Variants in AKAP6 observed in about 807,000 individuals in gnomAD.
The protein encoded by AKAP6 is A-kinase anchor protein 6.
A neutral mutation model predicts 188.5 loss-of-function variants in AKAP6; 58 were observed. The observed-to-expected ratio is 0.31, with a 90% CI of 0.25 to 0.38. AKAP6 has a LOEUF of 0.38. Among genes scored for constraint, AKAP6 ranks in the 10% least tolerant of loss-of-function variants. The pLI, the probability that AKAP6 is intolerant of heterozygous loss-of-function variation, is 1.00. For missense variants in AKAP6, 2,710 were observed against 2,740.0 expected, an observed-to-expected ratio of 0.99 and a Z score of 0.24; for synonymous variants, 989 against 998.6, an observed-to-expected ratio of 0.99 and a Z score of 0.18.
chr14:32,518,918 G>A (rs560377275), intron 2 of AKAP6, among the ~76,000 whole-genome samples: 5 of 152,284 alleles, frequency 3.3e-5, no homozygotes, highest in African/African-American at 9.6e-5. Context: ...TTGAAATGAA[G>A]AAAAACATGT....
chr14:32,639,470 A>T (rs1352927458), intron 7 of AKAP6, among the ~76,000 whole-genome samples: 2 of 152,146 alleles, frequency 1.3e-5, no homozygotes, highest in Non-Finnish European at 2.9e-5. Context: ...AGAATCATTC[A>T]TATGTGTATT....
chr14:32,443,425 A>C (rs1212848493), intron 2 of AKAP6, among the ~76,000 whole-genome samples: 3 of 151,828 alleles, frequency 2.0e-5, no homozygotes, highest in African/African-American at 4.8e-5. Context: ...AAACAAAAAA[A>C]CAAAAAAACC....
intron 7 of AKAP6, among the ~76,000 whole-genome samples, chr14:32,656,922 G>A (rs1242014298): frequency 6.6e-6 from 1 of 152,244 alleles, no homozygotes; most frequent in East Asian, 1.9e-4. Flanking sequence ...CTGAGTGAAA[G>A]CCCAACTGAA....
chr14:32,680,549 T>G (rs796973540), intron 8 of AKAP6, among the ~76,000 whole-genome samples: 1 of 152,196 alleles, frequency 6.6e-6, no homozygotes, highest in African/African-American at 2.4e-5. Flanking sequence ...TCATTCCACA[T>G]GCATATATCC....
chr14:32,756,138 A>T (rs2032323385), intron 11 of AKAP6, among the ~76,000 whole-genome samples: 1 of 151,954 alleles, frequency 6.6e-6, no homozygotes, highest in Non-Finnish European at 1.5e-5. Context: ...GGTCTATAGG[A>T]TCATGCCTGG....
intron 7 of AKAP6, among the ~76,000 whole-genome samples, chr14:32,647,322 A>G (rs1270803626): frequency 6.6e-6 from 1 of 152,120 alleles, no homozygotes; most frequent in Non-Finnish European, 1.5e-5. Context: ...TGCAGATGCC[A>G]GTGCTTTCAG....
chr14:32,766,066 A>C (rs550684474), intron 11 of AKAP6, among the ~76,000 whole-genome samples: 1 of 152,078 alleles, frequency 6.6e-6, no homozygotes, highest in African/African-American at 2.4e-5. Flanking sequence ...TTCTGTTTCT[A>C]TGTATTTGCC....
intron 1 of AKAP6, among the ~76,000 whole-genome samples, chr14:32,416,124 G>A (rs1200913522): frequency 3.3e-5 from 5 of 152,146 alleles, no homozygotes; most frequent in Admixed American, 6.5e-5. Flanking sequence ...CTGCCATACT[G>A]TTTTCTAAAG....
chr14:32,475,678 CTTTT>C (rs11156748), intron 2 of AKAP6, among the ~76,000 whole-genome samples: 3 of 123,640 alleles, frequency 2.4e-5, no homozygotes, highest in Non-Finnish European at 4.9e-5. Flanking sequence ...ATTTTCAGCT[CTTTT>C]TTTTTTTTTT....
At chr14:32,399,742 T>C (rs887064869) in intron 1 of AKAP6, among the ~76,000 whole-genome samples, 7 of 152,188 alleles carry the variant, frequency 4.6e-5, no homozygotes, top group African/African-American at 1.7e-4. Context: ...TTAAATCTGC[T>C]TGGTTCTTTT....
intron 2 of AKAP6, among the ~76,000 whole-genome samples, chr14:32,459,711 T>C (rs946606414): frequency 1.3e-5 from 2 of 148,894 alleles, no homozygotes; most frequent in Non-Finnish European, 3.0e-5. Context: ...GAAAAAAGAA[T>C]ATCAAATTGT....
At chr14:32,412,490 AC>A (rs1422648317) in intron 1 of AKAP6, among the ~76,000 whole-genome samples, 3 of 151,798 alleles carry the variant, frequency 2.0e-5, no homozygotes, top group Non-Finnish European at 4.4e-5. Flanking sequence ...AATACTTACT[AC>A]TCTCCCCTTT....
chr14:32,406,807 T>G (rs894383116), intron 1 of AKAP6, among the ~76,000 whole-genome samples: 1 of 152,198 alleles, frequency 6.6e-6, no homozygotes, highest in Non-Finnish European at 1.5e-5. Context: ...AAGTCATTCC[T>G]TATCTGTTTT....
At chr14:32,786,296 A>ATGTTTTTTTTTGTTTTTTTTTTT in intron 12 of AKAP6, among the ~76,000 whole-genome samples, 1 of 93,706 alleles carries the variant, frequency 1.1e-5, no homozygotes, top group Non-Finnish European at 2.1e-5. Flanking sequence ...CTAAACCTTT[A>ATGTTTTTTTTTGTTTTTTTTTTT]TCTTTTTTTT....
At chr14:32,726,273 C>T in intron 9 of AKAP6, 12 of 911,494 alleles carry the variant, frequency 1.3e-5, no homozygotes, top group Non-Finnish European at 1.4e-5. Flanking sequence ...TCTCCTCAGT[C>T]TTCTTTTACA....
intron 7 of AKAP6, among the ~76,000 whole-genome samples, chr14:32,642,714 A>T (rs1164787962): frequency 6.6e-6 from 1 of 152,194 alleles, no homozygotes; most frequent in Non-Finnish European, 1.5e-5. Flanking sequence ...AATTCCCCAT[A>T]AACATTAAAT....
At chr14:32,688,595 C>T (rs1363456820) in intron 8 of AKAP6, among the ~76,000 whole-genome samples, 1 of 152,054 alleles carries the variant, frequency 6.6e-6, no homozygotes, top group African/African-American at 2.4e-5. Context: ...AAATCTATAT[C>T]AGATGACGCA....
intron 2 of AKAP6, among the ~76,000 whole-genome samples, chr14:32,485,870 T>C (rs1879657385): frequency 6.6e-6 from 1 of 152,232 alleles, no homozygotes; most frequent in African/African-American, 2.4e-5. Flanking sequence ...TTTGGTGTTT[T>C]AGTCATGAAG....
chr14:32,333,263 G>C (rs1238176610), intron 1 of AKAP6, among the ~76,000 whole-genome samples: 1 of 152,108 alleles, frequency 6.6e-6, no homozygotes, highest in African/African-American at 2.4e-5. Context: ...ATTTAGGGAA[G>C]TTGGTGGTCT....
Sources: allele counts gnomAD v4.1 joint callset (sites outside exome capture counted in the v4.1 genomes callset), GRCh38; gene constraint gnomAD v4.1.1; transcripts MANE v1.5; gene names NCBI Gene and HGNC (gene_info 2026-07-23, HGNC 2026-07-21).